Variants in PLCL2 observed in about 807,000 individuals in gnomAD.
PLCL2 encodes inactive phospholipase C-like protein 2.
Under a neutral mutation model 79.6 loss-of-function variants are expected in PLCL2, and 4 were observed. The observed-to-expected ratio is 0.05, with a 90% CI of 0.02 to 0.11. PLCL2 has a LOEUF of 0.11. PLCL2 is among the 10% of genes least tolerant of loss of function. PLCL2 has a pLI of 1.00. For missense variants in PLCL2, 895 were observed against 1,291.0 expected, an observed-to-expected ratio of 0.69 and a Z score of 4.70; for synonymous variants, 484 against 457.7, an observed-to-expected ratio of 1.06 and a Z score of -0.73.
At position 16,914,644 on chromosome 3, in the gene PLCL2, T is replaced by A. The variant is rs1295581485; in HGVS notation, c.327+29278T>A. Among the ~76,000 whole-genome samples the A allele has an allele frequency of 2.0e-5, 3 of 152,138 alleles. No individual in the cohort carries two copies. The East Asian group carries it at 5.8e-4, about 29-fold the overall frequency. ...GTTAAAATGAATGATTAAAAATTTG[T>A]ATAGAATTTGTTAGCGTCTTCTTGT... On this transcript the variant is annotated intron_variant, in intron 1 of 5. Coordinates refer to ENST00000615277, the MANE Select transcript of PLCL2 (RefSeq NM_001144382.2).
intron 1 of PLCL2, among the ~76,000 whole-genome samples, chr3:16,979,802 T>TGG (rs2063963391): frequency 6.7e-6 from 1 of 149,528 alleles, no homozygotes; most frequent in South Asian, 2.2e-4. Context: ...CCCCTTTCTA[T>TGG]TCCACAAAAC....
At chr3:17,065,471 C>T (rs2065000647) in intron 4 of PLCL2, among the ~76,000 whole-genome samples, 1 of 152,182 alleles carries the variant, frequency 6.6e-6, no homozygotes, top group Non-Finnish European at 1.5e-5. Flanking sequence ...TCAGCATTCC[C>T]TTCTTCTGCT....
intron 1 of PLCL2, among the ~76,000 whole-genome samples, chr3:16,946,663 TA>T (rs1309579889): frequency 6.6e-6 from 1 of 152,196 alleles, no homozygotes; most frequent in Non-Finnish European, 1.5e-5. Flanking sequence ...TGTTTTCTTG[TA>T]ACTGTTTTAA....
intron 1 of PLCL2, among the ~76,000 whole-genome samples, chr3:16,990,805 G>T (rs771656981): frequency 2.0e-5 from 3 of 152,174 alleles, no homozygotes; most frequent in Non-Finnish European, 4.4e-5. Context: ...GTCACTCGGG[G>T]TCCAACTGGA....
intron 4 of PLCL2, among the ~76,000 whole-genome samples, chr3:17,053,857 G>T (rs1445038006): frequency 6.6e-6 from 1 of 152,174 alleles, no homozygotes; most frequent in Non-Finnish European, 1.5e-5. Flanking sequence ...GATAGGAGGG[G>T]CTGTCAGGAA....
At chr3:17,037,882 T>C (rs1325854706) in intron 3 of PLCL2, among the ~76,000 whole-genome samples, 1 of 152,016 alleles carries the variant, frequency 6.6e-6, no homozygotes, top group Non-Finnish European at 1.5e-5. Flanking sequence ...CAAAACAGAA[T>C]ATGAAGGAGC....
chr3:17,070,278 T>C (rs1238902429), intron 5 of PLCL2, among the ~76,000 whole-genome samples: 1 of 152,166 alleles, frequency 6.6e-6, no homozygotes, highest in Non-Finnish European at 1.5e-5. Context: ...TGAGAAGCAC[T>C]GGGCTGAGAG....
intron 1 of PLCL2, among the ~76,000 whole-genome samples, chr3:16,996,793 G>C (rs2064158154): frequency 3.3e-5 from 5 of 152,028 alleles, no homozygotes; most frequent in Admixed American, 2.6e-4. Flanking sequence ...TTTGAACATT[G>C]ACTGGTATTG....
intron 3 of PLCL2, among the ~76,000 whole-genome samples, chr3:17,031,896 A>G (rs1441777790): frequency 1.4e-5 from 2 of 140,096 alleles, no homozygotes; most frequent in Non-Finnish European, 3.1e-5. Flanking sequence ...TTTGCAGGGT[A>G]GTTTAGGTTC....
chr3:16,995,051 C>T (rs1262653525), intron 1 of PLCL2, among the ~76,000 whole-genome samples: 5 of 152,222 alleles, frequency 3.3e-5, no homozygotes, highest in South Asian at 4.1e-4. Flanking sequence ...GGATCCTGCA[C>T]AGCTAAGCAG....
At chr3:17,004,786 T>G (rs1355192955) in intron 1 of PLCL2, among the ~76,000 whole-genome samples, 1 of 152,062 alleles carries the variant, frequency 6.6e-6, no homozygotes, top group Non-Finnish European at 1.5e-5. Flanking sequence ...GGTTTTTTTG[T>G]TTAGTTTTGT....
chr3:17,082,812 C>T (rs762758492), intron 5 of PLCL2, among the ~76,000 whole-genome samples: 13 of 151,776 alleles, frequency 8.6e-5, no homozygotes, highest in Non-Finnish European at 1.9e-4. Flanking sequence ...AAAAGGAAAC[C>T]AAAGAACAAT....
intron 3 of PLCL2, among the ~76,000 whole-genome samples, chr3:17,029,728 CA>C (rs1281876139): frequency 6.6e-6 from 1 of 152,094 alleles, no homozygotes; most frequent in Non-Finnish European, 1.5e-5. Flanking sequence ...CCCCACTCTC[CA>C]ACACCTACTG....
intron 2 of PLCL2, among the ~76,000 whole-genome samples, chr3:17,012,409 G>C (rs2064336268): frequency 6.6e-6 from 1 of 152,178 alleles, no homozygotes; most frequent in Non-Finnish European, 1.5e-5. Context: ...CTTCATCCCA[G>C]TCCCTGTTAA....
At chr3:16,972,880 G>A (rs2063887782) in intron 1 of PLCL2, among the ~76,000 whole-genome samples, 1 of 152,064 alleles carries the variant, frequency 6.6e-6, no homozygotes, top group African/African-American at 2.4e-5. Context: ...GGATGTCATT[G>A]CATATAAAAT....
chr3:16,957,885 G>A lies in PLCL2; in HGVS notation c.328-51789G>A, dbSNP rs189994819. ...TTTTTGTTTTCCATTTGCTTGGTAG[G>A]TCTTCCTCCATCCCTTTATTTTGAG... On this transcript the variant is annotated intron_variant, in intron 1 of 5. Coordinates refer to ENST00000615277, the MANE Select transcript of PLCL2 (RefSeq NM_001144382.2). Among the ~76,000 whole-genome samples, 1,390 of 152,168 alleles carry A rather than the reference G, an allele frequency of 9.1e-3. 67 individuals are homozygous for A. Among genetic ancestry groups the A allele is most frequent in the Admixed American group, 0.072 (1,099 of 15,276 alleles).
At chr3:17,000,350 G>A (rs575563904) in intron 1 of PLCL2, among the ~76,000 whole-genome samples, 101 of 152,068 alleles carry the variant, frequency 6.6e-4, no homozygotes, top group African/African-American at 2.3e-3. Context: ...ATTTGTGGGA[G>A]TACATGTGAT....
rs774684952 is a variant in PLCL2 at position 17,039,124 on chromosome 3, T to C, written c.3019-3750T>C. The stretch of plus-strand genomic sequence containing the variant: ...GCAGAGATGTTGAATCACTTTCATC[T>C]TGATGCATTCAACCAACACTTGTAC... On this transcript the variant is annotated intron_variant, in intron 3 of 5. Transcript: ENST00000615277. Among the ~76,000 whole-genome samples the C allele has an allele frequency of 2.0e-5, 3 of 152,362 alleles. No homozygotes were observed. The East Asian group carries it at 5.8e-4, about 29-fold the overall frequency.
At chr3:17,051,396 A>T (rs919613368) in intron 4 of PLCL2, among the ~76,000 whole-genome samples, 1 of 152,188 alleles carries the variant, frequency 6.6e-6, no homozygotes, top group African/African-American at 2.4e-5. Flanking sequence ...CCTGTATCAA[A>T]ACATGTCACG....
Sources: gnomAD v4.1 joint callset for allele counts (sites outside exome capture counted in the v4.1 genomes callset) on GRCh38, gnomAD v4.1.1 for gene constraint, MANE v1.5 for transcripts, NCBI Gene and HGNC (gene_info 2026-07-23, HGNC 2026-07-21) for gene names.